Variants in PDE4D observed in about 807,000 individuals in gnomAD.
The protein encoded by PDE4D is 3',5'-cyclic-AMP phosphodiesterase 4D.
In PDE4D, 24 loss-of-function variants were observed where a neutral mutation model predicts 87.4. The observed-to-expected ratio is 0.27, with a 90% CI of 0.20 to 0.39. The LOEUF is 0.39. Ranked by LOEUF, PDE4D falls within the 10% of genes least tolerant of loss-of-function variation. The pLI is 1.00. For missense variants in PDE4D, 714 were observed against 1,041.0 expected, an observed-to-expected ratio of 0.69 and a Z score of 4.32; for synonymous variants, 384 against 383.2, an observed-to-expected ratio of 1.00 and a Z score of -0.02.
chr5:59,433,697 T>C (rs1796424959), intron 1 of PDE4D, among the ~76,000 whole-genome samples: 1 of 152,218 alleles, frequency 6.6e-6, no homozygotes, highest in East Asian at 1.9e-4. Context: ...TACTGGGATT[T>C]CTATGGAAGA....
At chr5:60,247,723 C>T (rs962281501) in intron 1 of PDE4D, among the ~76,000 whole-genome samples, 2 of 151,824 alleles carry the variant, frequency 1.3e-5, no homozygotes, top group Non-Finnish European at 2.9e-5. Flanking sequence ...CTCTCCTCTC[C>T]CTCTCTCTCA....
At chr5:59,349,963 A>G (rs1383395396) in intron 1 of PDE4D, among the ~76,000 whole-genome samples, 2 of 152,172 alleles carry the variant, frequency 1.3e-5, no homozygotes, top group Non-Finnish European at 2.9e-5. Context: ...TTTCTAGTCT[A>G]CATTGATAAT....
chr5:60,104,258 C>T (rs989803763), intron 2 of PDE4D, among the ~76,000 whole-genome samples: 8 of 152,218 alleles, frequency 5.3e-5, no homozygotes, highest in Non-Finnish European at 1.2e-4. Flanking sequence ...TCGCTGATTG[C>T]TAGCACAGCA....
intron 5 of PDE4D, among the ~76,000 whole-genome samples, chr5:59,133,868 A>G (rs1373524823): frequency 6.6e-6 from 1 of 152,106 alleles, no homozygotes; most frequent in Non-Finnish European, 1.5e-5. Context: ...GCAAACTTTG[A>G]CCAATGAGAG....
At chr5:59,153,880 C>A (rs1779797320) in intron 5 of PDE4D, among the ~76,000 whole-genome samples, 1 of 151,914 alleles carries the variant, frequency 6.6e-6, no homozygotes, top group Non-Finnish European at 1.5e-5. Flanking sequence ...AGGAAGGGGA[C>A]TGGGCTTGAA....
intron 3 of PDE4D, among the ~76,000 whole-genome samples, chr5:59,985,152 A>ATTT (rs1762324007): frequency 1.1e-5 from 1 of 93,440 alleles, no homozygotes; most frequent in Non-Finnish European, 2.2e-5. Flanking sequence ...TTTGTTTTTT[A>ATTT]TTTTGAGACA....
intron 1 of PDE4D, among the ~76,000 whole-genome samples, chr5:59,339,710 G>C (rs913863384): frequency 2.0e-5 from 3 of 152,168 alleles, no homozygotes; most frequent in Non-Finnish European, 4.4e-5. Flanking sequence ...TTACAGCTCA[G>C]AGGAGCTGTG....
intron 2 of PDE4D, among the ~76,000 whole-genome samples, chr5:60,050,600 A>G (rs1361219834): frequency 6.6e-6 from 1 of 152,214 alleles, no homozygotes; most frequent in Non-Finnish European, 1.5e-5. Context: ...TGTAAAGACC[A>G]TCAACACTAT....
intron 1 of PDE4D, among the ~76,000 whole-genome samples, chr5:60,275,735 G>A (rs530068347): frequency 6.6e-6 from 1 of 151,822 alleles, no homozygotes; most frequent in Middle Eastern, 3.4e-3. Flanking sequence ...GGTTATTGAT[G>A]GAGTCTTTTT....
At chr5:60,159,661 C>A (rs773107132) in intron 2 of PDE4D, among the ~76,000 whole-genome samples, 11 of 152,056 alleles carry the variant, frequency 7.2e-5, no homozygotes, top group Non-Finnish European at 1.0e-4. Context: ...CATCACTGAC[C>A]AAAATGTTAC....
chr5:60,471,049 T>A (rs1747779662), intron 1 of PDE4D, among the ~76,000 whole-genome samples: 1 of 152,166 alleles, frequency 6.6e-6, no homozygotes, highest in African/African-American at 2.4e-5. Context: ...CTGGAAAGAA[T>A]TCACCATTCT....
intron 1 of PDE4D, among the ~76,000 whole-genome samples, chr5:59,574,104 T>TTATATA (rs1246363236): frequency 3.9e-4 from 2 of 5,180 alleles, no homozygotes; most frequent in Middle Eastern, 0.05. Flanking sequence ...AAATATATAT[T>TTATATA]TATATATATA....
chr5:59,582,091 A>G (rs1392317225), intron 1 of PDE4D, among the ~76,000 whole-genome samples: 1 of 152,198 alleles, frequency 6.6e-6, no homozygotes, highest in Non-Finnish European at 1.5e-5. Context: ...TTTATATTTT[A>G]GAATTTCTGG....
chr5:59,048,789 A>G (rs1761109092), intron 5 of PDE4D, among the ~76,000 whole-genome samples: 1 of 152,196 alleles, frequency 6.6e-6, no homozygotes, highest in Non-Finnish European at 1.5e-5. Flanking sequence ...CCCATCCAAT[A>G]CTTTGCCAGT....
intron 1 of PDE4D, chr5:59,768,754 G>A (rs1469147407): frequency 4.5e-6 from 4 of 888,242 alleles, no homozygotes; most frequent in African/African-American, 3.4e-5. Flanking sequence ...TGACAAGCTC[G>A]CATAGCAAAT....
At chr5:59,422,298 G>A (rs1237548302) in intron 1 of PDE4D, among the ~76,000 whole-genome samples, 1 of 152,012 alleles carries the variant, frequency 6.6e-6, no homozygotes, top group Non-Finnish European at 1.5e-5. Flanking sequence ...TCCCTTAGGG[G>A]CCCTTCTCTC....
At chr5:59,932,705 C>G (rs574708075) in intron 3 of PDE4D, among the ~76,000 whole-genome samples, 1 of 152,244 alleles carries the variant, frequency 6.6e-6, no homozygotes, top group South Asian at 2.1e-4. Flanking sequence ...GATGATTTAT[C>G]CCAACTTGGA....
At chr5:59,755,060 T>C (rs1761030535) in intron 1 of PDE4D, among the ~76,000 whole-genome samples, 1 of 152,130 alleles carries the variant, frequency 6.6e-6, no homozygotes, top group South Asian at 2.1e-4. Context: ...ACAAAGATGG[T>C]GTTTGGCATA....
intron 1 of PDE4D, among the ~76,000 whole-genome samples, chr5:59,246,624 A>G (rs1342720224): frequency 5.3e-5 from 8 of 152,160 alleles, no homozygotes; most frequent in African/African-American, 1.7e-4. Flanking sequence ...ATGATGACTA[A>G]TAGTTCTATA....
Sources: allele counts gnomAD v4.1 joint callset (sites outside exome capture counted in the v4.1 genomes callset), GRCh38; gene constraint gnomAD v4.1.1; transcripts MANE v1.5; gene names NCBI Gene and HGNC (gene_info 2026-07-23, HGNC 2026-07-21).